Variants in RPS6KA4 observed in about 807,000 individuals in gnomAD.
RPS6KA4 encodes the protein ribosomal protein S6 kinase alpha-4.
Under a neutral mutation model 89.6 loss-of-function variants are expected in RPS6KA4, and 38 were observed. The ratio of observed to expected loss-of-function variants is 0.42; its 90% CI spans 0.33 to 0.56. The LOEUF is 0.56. Ranked by LOEUF, RPS6KA4 falls within the 20% of genes least tolerant of loss-of-function variation. The pLI is 0.07. For synonymous variants in RPS6KA4, 495 were observed against 492.8 expected (o/e 1.00, Z -0.06); for missense variants, 873 against 1,098.8 (o/e 0.79, Z 2.90).
intron 4 of RPS6KA4, 65 bp downstream of exon 4, chr11:64,360,657 G>T: frequency 7.2e-7 from 1 of 1,381,328 alleles, no homozygotes; most frequent in Non-Finnish European, 1.0e-6. Context: ...GAAGGAATCT[G>T]CACGCAGGGC....
chr11:64,371,144 C>T (rs2135349753), intron 16 of RPS6KA4, 139 bp from the exon 17 acceptor site: 1 of 702,962 alleles, frequency 1.4e-6, no homozygotes, highest in Non-Finnish European at 2.4e-6. Context: ...GAACCGAATC[C>T]GGTGGTCGGT....
rs1207243390 is a variant in RPS6KA4 at position 64,370,278 on chromosome 11, G to T, written c.1851G>T (p.Gly617=). 2 of 1,588,334 alleles carry T rather than the reference G, an allele frequency of 1.3e-6. No individual in the cohort carries two copies. Among genetic ancestry groups the T allele is most frequent in the African/African-American group, 2.7e-5 (2 of 72,976 alleles). ...VPFQGASGQG[G]QSQAAEIMCK... ...TCCAGGGGGCCTCTGGCCAGGGCGG[G>T]CAGAGCCAGGCGGCCGAGATCATGT... Residue 617 remains glycine (G), a synonymous_variant, in exon 15 of 17, where the codon GGG becomes GGT. Coordinates refer to ENST00000334205, the MANE Select transcript of RPS6KA4 (RefSeq NM_003942.3). The surrounding 1 kb of genome is among the most constrained non-coding windows in gnomAD (Gnocchi z 4.1).
chr11:64,369,831 G>A lies in RPS6KA4; in HGVS notation c.1735G>A (p.Glu579Lys), dbSNP rs1396215443. Residue 579 changes from glutamate (E) to lysine (K), a missense_variant, in exon 14 of 17, where the codon GAG becomes AAG. By Grantham distance (56) the Glu-to-Lys change is moderately conservative. Coordinates refer to ENST00000334205, the MANE Select transcript of RPS6KA4 (RefSeq NM_003942.3). ...CTTCACGCTGCAGTACGCTGCCCCC[G>A]AGCTGCTGGCGCAGCAGGGCTACGA... ...PCFTLQYAAP[E>K]LLAQQGYDES... The A allele has an allele frequency of 6.3e-7, 1 of 1,592,428 alleles. No individual in the cohort carries two copies. The highest frequency in any genetic ancestry group is 8.5e-7 in the Non-Finnish European group (1 of 1,170,584).
Position 64,360,558 on chromosome 11 carries a change from G to A in RPS6KA4, c.428G>A (p.Gly143Asp). The change falls in exon 4 of 17, where the codon GGT becomes GAT. Residue 143 changes from glycine to aspartate, a missense_variant. Physicochemically the swap from Gly to Asp is moderately conservative, Grantham distance 94 (BLOSUM62 -1). Coordinates refer to ENST00000334205, the MANE Select transcript of RPS6KA4 (RefSeq NM_003942.3). ...FKEAEVRVYG[G>D]EIVLALEHLH... ...GAGGCTGAGGTGCGCGTGTATGGGG[G>A]TGAGATCGTGCTGGCCCTGGAACAC... 1 of 1,611,582 alleles carries A rather than the reference G, an allele frequency of 6.2e-7. No homozygotes were observed. Among genetic ancestry groups the A allele is most frequent in the Non-Finnish European group, 8.5e-7 (1 of 1,178,940 alleles).
intron 2 of RPS6KA4, 119 bp downstream of exon 2, chr11:64,359,568 C>T (rs992665888): frequency 5.8e-6 from 6 of 1,042,154 alleles, no homozygotes; most frequent in Admixed American, 2.4e-5. Flanking sequence ...CCCGGCACAG[C>T]CTGCCTTGCC....
Position 64,369,772 on chromosome 11 carries a change from C to A in RPS6KA4, c.1676C>A (p.Pro559Gln), listed in dbSNP as rs774562817. The change falls in exon 14 of 17, where the codon CCG (proline) becomes CAG (glutamine). Residue 559 changes from proline (P) to glutamine (Q), a missense_variant. Physicochemically the swap from Pro to Gln is moderately conservative, Grantham distance 76. Transcript: ENST00000334205. The part of the protein sequence containing the change: ...IIDFGFARLR[P>Q]QSPGVPMQTP... ...GACTTCGGGTTCGCGCGGTTGCGGC[C>A]GCAGAGTCCCGGGGTGCCCATGCAG... 1.2e-6 allele frequency: 2 copies of A among 1,611,338 alleles called. No individual in the cohort carries two copies. Among genetic ancestry groups the A allele is most frequent in the Admixed American group, 3.3e-5 (2 of 59,896 alleles).
intron 12 of RPS6KA4, among the ~76,000 whole-genome samples, chr11:64,369,215 C>A (rs2036980873): frequency 6.6e-6 from 1 of 152,154 alleles, no homozygotes; most frequent in African/African-American, 2.4e-5. Flanking sequence ...CGCTTGAACC[C>A]GGAAGGCAGA....
Position 64,368,539 on chromosome 11 carries a change from G to A in RPS6KA4, c.1272G>A (p.Val424=). The A allele has an allele frequency of 1.3e-6, 2 of 1,585,772 alleles. No homozygotes were observed. Among genetic ancestry groups the A allele is most frequent in the Middle Eastern group, 1.8e-4 (1 of 5,496 alleles). ...EPALGQGSFS[V]CRRCRQRQSG... ...CGCTGGGCCAGGGCAGCTTTTCTGT[G>A]TGTCGCCGCTGCCGCCAGCGCCAGA... is the stretch of plus-strand genomic sequence containing the variant. Residue 424 remains valine, a synonymous_variant, in exon 11 of 17, where the codon GTG becomes GTA. Transcript: ENST00000334205.
Position 64,370,314 on chromosome 11 carries a change from C to A in RPS6KA4, c.1887C>A (p.Arg629=). Residue 629 remains arginine (R), a synonymous_variant, in exon 15 of 17, where the codon CGC becomes CGA. Transcript: ENST00000334205. The surrounding 1 kb of genome is among the most constrained non-coding windows in gnomAD (Gnocchi z 4.1). ...CGGCCGAGATCATGTGCAAAATCCG[C>A]GAGGGGCGCTTCTCCCTTGACGGGG... ...SQAAEIMCKI[R]EGRFSLDGEA... is the part of the protein sequence containing the mutation. The A allele has an allele frequency of 6.3e-7, 1 of 1,594,606 alleles. No homozygotes were observed.
Position 64,368,519 on chromosome 11 carries a change from G to T in RPS6KA4, c.1252G>T (p.Gly418Cys). 6.4e-7 allele frequency: 1 copy of T among 1,573,074 alleles called. No homozygotes were observed. ...YELDLREPAL[G>C]QGSFSVCRRC... ...GCTGGACCTGCGGGAGCCTGCGCTG[G>T]GCCAGGGCAGCTTTTCTGTGTGTCG... The change falls in exon 11 of 17, where the codon GGC (glycine) becomes TGC (cysteine). Residue 418 changes from glycine (G) to cysteine (C), a missense_variant. By Grantham distance (159) the Gly-to-Cys change is radical (BLOSUM62 -3). Transcript: ENST00000334205.
At position 64,361,566 on chromosome 11, in the gene RPS6KA4, G is replaced by A; in HGVS notation, c.651+17G>A. ...CATGGCAAGGTAGGTTGGCAGGGAA[G>A]TGGGGCTGGGGGAGGTGGAAAGGTG... On this transcript the variant is annotated intron_variant, in intron 6 of 16. Transcript: ENST00000334205. This position sits in a 1 kb window ranked among gnomAD's most constrained non-coding sequence, Gnocchi z 4.7. The A allele has an allele frequency of 6.2e-7, 1 of 1,614,020 alleles. No individual in the cohort carries two copies. Among genetic ancestry groups the A allele is most frequent in the Non-Finnish European group, 8.5e-7 (1 of 1,180,012 alleles).
At chr11:64,367,768 T>G (rs1279999716) in intron 9 of RPS6KA4, among the ~76,000 whole-genome samples, 2 of 152,158 alleles carry the variant, frequency 1.3e-5, no homozygotes, top group East Asian at 1.9e-4. Flanking sequence ...AGGAATAAGT[T>G]TTTTTTCCTC....
Sources: allele counts gnomAD v4.1 joint callset (sites outside exome capture counted in the v4.1 genomes callset), GRCh38; gene constraint gnomAD v4.1.1; non-coding constraint Gnocchi (gnomAD v3.1); transcripts MANE v1.5; gene names NCBI Gene and HGNC (gene_info 2026-07-23, HGNC 2026-07-21).